The following PIK3CB variants were observed in gnomAD, a reference collection of about 807,000 sequenced individuals.
PIK3CB encodes phosphatidylinositol 4,5-bisphosphate 3-kinase catalytic subunit beta isoform.
A neutral mutation model predicts 136.8 loss-of-function variants in PIK3CB; 39 were observed. The ratio of observed to expected loss-of-function variants is 0.29; its 90% confidence interval spans 0.22 to 0.37. The LOEUF is 0.37. Ranked by LOEUF, PIK3CB falls within the 10% of genes least tolerant of loss-of-function variation. The pLI, the probability that PIK3CB is intolerant of heterozygous loss-of-function variation, is 1.00. For synonymous variants in PIK3CB, 428 were observed against 436.6 expected (o/e 0.98, Z 0.25); for missense variants, 868 against 1,275.4 (o/e 0.68, Z 4.87).
chr3:138,699,992 C>A (rs1172485027), intron 12 of PIK3CB, among the ~76,000 whole-genome samples: 1 of 151,838 alleles, frequency 6.6e-6, no homozygotes, highest in African/African-American at 2.4e-5. Context: ...GCTTGAGCCC[C>A]GGAGTTCAAG....
chr3:138,831,888 C>G (rs950558915), intron 1 of PIK3CB, among the ~76,000 whole-genome samples: 2 of 152,142 alleles, frequency 1.3e-5, no homozygotes, highest in Admixed American at 6.6e-5. Context: ...CATTGCACTC[C>G]AGCCTGGCGA....
chr3:138,656,597 GTTATAA>G (rs1301738875), intron 22 of PIK3CB, among the ~76,000 whole-genome samples: 1 of 152,142 alleles, frequency 6.6e-6, no homozygotes. Context: ...TATTAAATCA[GTTATAA>G]TTATAATCCA....
At chr3:138,723,392 A>C in intron 8 of PIK3CB, among the ~76,000 whole-genome samples, 1 of 152,080 alleles carries the variant, frequency 6.6e-6, no homozygotes, top group Non-Finnish European at 1.5e-5. Flanking sequence ...CTCTACTCAA[A>C]ATACAAAAAA....
At chr3:138,763,256 A>G (rs2045687239) in intron 2 of PIK3CB, among the ~76,000 whole-genome samples, 1 of 152,084 alleles carries the variant, frequency 6.6e-6, no homozygotes, top group African/African-American at 2.4e-5. Flanking sequence ...CTCCTGCTTC[A>G]GCCTCCTGAG....
intron 2 of PIK3CB, among the ~76,000 whole-genome samples, chr3:138,774,030 T>C (rs998929118): frequency 1.1e-4 from 17 of 152,318 alleles, no homozygotes; most frequent in African/African-American, 3.6e-4. Context: ...ATAGAGACCT[T>C]CTCTAGCCTT....
intron 2 of PIK3CB, among the ~76,000 whole-genome samples, chr3:138,762,889 G>A (rs1281475165): frequency 6.6e-6 from 1 of 151,908 alleles, no homozygotes; most frequent in African/African-American, 2.4e-5. Context: ...GACCCCAGAG[G>A]GTGGAGGTTG....
Position 138,654,555 on chromosome 3 carries a change from T to C in PIK3CB, c.*834A>G, listed in dbSNP as rs1192931719. 2 of 227,756 alleles carry C rather than the reference T, an allele frequency of 8.8e-6. No individual in the cohort carries two copies. The highest frequency in any genetic ancestry group is 8.7e-6 in the Non-Finnish European group (1 of 114,630). The allele number at this position is 227,756 out of a possible 1,614,324, so 14.1% of individuals were successfully genotyped here. ...ATTCTCTATGAAGTGAACTCTTTCA[T>C]AGATACCATATAAAAACTGTATTAA... is the stretch of plus-strand genomic sequence containing the variant. On this transcript the variant is annotated 3_prime_UTR_variant, in exon 24 of 24. Coordinates refer to ENST00000674063, the MANE Select transcript of PIK3CB (RefSeq NM_006219.3).
intron 8 of PIK3CB, among the ~76,000 whole-genome samples, chr3:138,725,977 A>G (rs1293963848): frequency 1.3e-5 from 2 of 152,160 alleles, no homozygotes; most frequent in East Asian, 3.9e-4. Context: ...GAGAATGTTG[A>G]TATTTTTGTT....
chr3:138,719,174 T>C (rs2044673754), intron 8 of PIK3CB, among the ~76,000 whole-genome samples: 2 of 152,032 alleles, frequency 1.3e-5, no homozygotes, highest in East Asian at 1.9e-4. Context: ...AAAATCTTTA[T>C]ATCTACCTTA....
chr3:138,690,342 A>C (rs1379361660), intron 15 of PIK3CB, among the ~76,000 whole-genome samples: 1 of 152,036 alleles, frequency 6.6e-6, no homozygotes, highest in Non-Finnish European at 1.5e-5. Flanking sequence ...AGCACTATGA[A>C]GTCCAGATTG....
At chr3:138,784,464 C>T (rs2045953081) in intron 2 of PIK3CB, among the ~76,000 whole-genome samples, 1 of 152,150 alleles carries the variant, frequency 6.6e-6, no homozygotes, top group Non-Finnish European at 1.5e-5. Flanking sequence ...TTTGCACGGT[C>T]TCCCTCTGAT....
At chr3:138,824,468 T>A (rs951546837) in intron 1 of PIK3CB, among the ~76,000 whole-genome samples, 5 of 152,136 alleles carry the variant, frequency 3.3e-5, no homozygotes, top group Admixed American at 6.6e-5. Context: ...CCTCAGGTGA[T>A]CTGCTAAATA....
chr3:138,656,169 T>C lies in PIK3CB; in HGVS notation c.3048A>G (p.Thr1016=), dbSNP rs761860859. ...LMLTAGLPEL[T]SVKDIQYLKD... is the part of the protein sequence containing the mutation. ...TAAGATACTGTATATCTTTGACTGA[T>C]GTGAGTTCAGGAAGCCCTGCAGTCA... is the stretch of plus-strand genomic sequence containing the variant. The change falls in exon 23 of 24, where the codon ACA becomes ACG. Residue 1016 remains threonine (T), a synonymous_variant. Coordinates refer to ENST00000674063, the MANE Select transcript of PIK3CB (RefSeq NM_006219.3). 3.1e-6 allele frequency: 5 copies of C among 1,614,170 alleles called. No homozygotes were observed. The highest frequency in any genetic ancestry group is 4.2e-6 in the Non-Finnish European group (5 of 1,180,010).
intron 2 of PIK3CB, 76 bp from the exon 3 acceptor site, chr3:138,759,435 A>AT: frequency 5.5e-6 from 5 of 903,878 alleles, no homozygotes; most frequent in African/African-American, 1.6e-5. Flanking sequence ...AAGACCACTA[A>AT]TCTACAATTA....
intron 2 of PIK3CB, among the ~76,000 whole-genome samples, chr3:138,792,591 AAG>A (rs781340896): frequency 4.7e-4 from 71 of 152,320 alleles, no homozygotes; most frequent in Middle Eastern, 3.4e-3. Flanking sequence ...AAATATTAAA[AAG>A]AGTAATTAAG....
intron 2 of PIK3CB, among the ~76,000 whole-genome samples, chr3:138,765,673 TCTC>T (rs1456279886): frequency 1.7e-5 from 2 of 120,168 alleles, no homozygotes; most frequent in Non-Finnish European, 3.5e-5. Flanking sequence ...CAAAACCCCC[TCTC>T]TTCAAAAAAA....
At chr3:138,815,176 T>TATAC (rs1160526200) in intron 1 of PIK3CB, among the ~76,000 whole-genome samples, 15 of 92,948 alleles carry the variant, frequency 1.6e-4, no homozygotes, top group South Asian at 6.7e-4. Context: ...TATATATATA[T>TATAC]ACATATATAT....
At chr3:138,671,037 A>T (rs1435423680) in intron 19 of PIK3CB, among the ~76,000 whole-genome samples, 5 of 152,194 alleles carry the variant, frequency 3.3e-5, no homozygotes, top group African/African-American at 1.2e-4. Context: ...ATGTCTTACC[A>T]CATTATTTTC....
At chr3:138,676,629 T>C (rs1196244371) in intron 19 of PIK3CB, among the ~76,000 whole-genome samples, 1 of 152,204 alleles carries the variant, frequency 6.6e-6, no homozygotes, top group East Asian at 1.9e-4. Context: ...TATGGATAAA[T>C]AAAATGTGGC....
Sources: allele counts gnomAD v4.1 joint callset (sites outside exome capture counted in the v4.1 genomes callset), GRCh38; gene constraint gnomAD v4.1.1; transcripts MANE v1.5; gene names NCBI Gene and HGNC (gene_info 2026-07-23, HGNC 2026-07-21).